Variants in GULP1 observed in about 807,000 individuals in gnomAD.
GULP1 encodes GULP PTB domain containing engulfment adaptor 1.
GULP1 carries 19 observed loss-of-function variants against 40.9 expected under a neutral mutation model. The ratio of observed to expected loss-of-function variants is 0.46; its 90% confidence interval spans 0.32 to 0.68. The LOEUF is 0.68. GULP1 is among the 30% of genes least tolerant of loss of function. GULP1 has a pLI of 0.03. For synonymous variants in GULP1, 119 were observed against 117.6 expected (o/e 1.01, Z -0.08); for missense variants, 312 against 362.2 (o/e 0.86, Z 1.12).
chr2:188,476,572 G>GA (rs964912194), intron 2 of GULP1, among the ~76,000 whole-genome samples: 54 of 152,022 alleles, frequency 3.6e-4, no homozygotes, highest in African/African-American at 1.2e-3. Context: ...TTCTAAAAAT[G>GA]AAAAAAATGC....
At chr2:188,364,124 ATAAT>A (rs1330547642) in intron 1 of GULP1, among the ~76,000 whole-genome samples, 1 of 152,166 alleles carries the variant, frequency 6.6e-6, no homozygotes, top group Non-Finnish European at 1.5e-5. Context: ...CTGTAGGTAA[ATAAT>A]TAAATAAATC....
intron 1 of GULP1, among the ~76,000 whole-genome samples, chr2:188,315,589 A>G (rs2038937870): frequency 6.6e-6 from 1 of 152,150 alleles, no homozygotes; most frequent in Non-Finnish European, 1.5e-5. Context: ...AGTACAAAAT[A>G]AAGGTTTCTT....
Position 188,523,775 on chromosome 2 carries a change from G to T in GULP1, c.162+948G>T, listed in dbSNP as rs182994345. ...GGAATCCACTCTGTGTTTAAATTGA[G>T]AAATAATTGAATTGGCATGACTTCT... On this transcript the variant is annotated intron_variant, in intron 5 of 11. Coordinates refer to ENST00000409830, the MANE Select transcript of GULP1 (RefSeq NM_016315.4). 1.3e-4 allele frequency among the ~76,000 whole-genome samples: 20 copies of T among 152,182 alleles called. No individual in the cohort carries two copies. In the East Asian group the frequency reaches 3.5e-3, roughly 26 times the overall value.
At chr2:188,461,995 T>G (rs2059744511) in intron 2 of GULP1, among the ~76,000 whole-genome samples, 1 of 152,092 alleles carries the variant, frequency 6.6e-6, no homozygotes, top group Admixed American at 6.6e-5. Context: ...CTTGTTTTTC[T>G]AGTTCTTTAA....
chr2:188,368,599 G>GTAAA (rs200624677), intron 1 of GULP1, among the ~76,000 whole-genome samples: 2,026 of 151,126 alleles, frequency 0.013, 25 homozygotes, highest in Non-Finnish European at 0.019. Context: ...AAATAAATAA[G>GTAAA]TAAATAGATA....
At chr2:188,359,252 T>G (rs1331345046) in intron 1 of GULP1, among the ~76,000 whole-genome samples, 1 of 151,340 alleles carries the variant, frequency 6.6e-6, no homozygotes, top group Non-Finnish European at 1.5e-5. Context: ...TGAGTTATAC[T>G]TATATGCCAT....
At chr2:188,389,411 TA>T (rs2050216209) in intron 2 of GULP1, among the ~76,000 whole-genome samples, 1 of 152,076 alleles carries the variant, frequency 6.6e-6, no homozygotes, top group South Asian at 2.1e-4. Context: ...AAAATATAAA[TA>T]AAAGACCTGA....
chr2:188,501,193 G>T (rs913590393), intron 4 of GULP1, among the ~76,000 whole-genome samples: 11 of 151,840 alleles, frequency 7.2e-5, no homozygotes, highest in African/African-American at 2.4e-4. Flanking sequence ...TCAAGGGAGG[G>T]ACCCGGTGGG....
intron 4 of GULP1, among the ~76,000 whole-genome samples, chr2:188,515,860 T>C (rs1365267456): frequency 6.6e-6 from 1 of 152,212 alleles, no homozygotes; most frequent in African/African-American, 2.4e-5. Flanking sequence ...TATGTTAAAT[T>C]AACAGGTTAT....
intron 2 of GULP1, among the ~76,000 whole-genome samples, chr2:188,433,288 A>T (rs781657802): frequency 1.3e-5 from 2 of 151,896 alleles, no homozygotes; most frequent in East Asian, 1.9e-4. Flanking sequence ...TTATATATAT[A>T]TTTTTCTTTA....
intron 11 of GULP1, chr2:188,590,044 C>T (rs1334537348): frequency 1.1e-5 from 2 of 185,622 alleles, no homozygotes; most frequent in South Asian, 1.8e-4. Context: ...ATGATCTTGG[C>T]TCACTGCAAC....
At chr2:188,585,041 C>G (rs115463449) in intron 10 of GULP1, among the ~76,000 whole-genome samples, 5,569 of 152,270 alleles carry the variant, frequency 0.037, 348 homozygotes, top group African/African-American at 0.13. Flanking sequence ...CGTTTCCATT[C>G]CAAATTGGAG....
At chr2:188,466,925 C>G (rs948056919) in intron 2 of GULP1, among the ~76,000 whole-genome samples, 2 of 151,996 alleles carry the variant, frequency 1.3e-5, no homozygotes, top group Non-Finnish European at 2.9e-5. Flanking sequence ...CTTTGCTTTC[C>G]CCAAGTGTCT....
chr2:188,558,951 G>A (rs1695545141), intron 7 of GULP1, among the ~76,000 whole-genome samples: 1 of 151,962 alleles, frequency 6.6e-6, no homozygotes, highest in African/African-American at 2.4e-5. Flanking sequence ...TTTTATAAGG[G>A]AAGCAGAGCA....
rs1282537101 is a variant in GULP1, at chr2:188,292,520, C to CG, written c.-172+360dup. ...TTTTGTGGTAACTTTGGTCCGGCGGCGGGGGGCCGGTGAGCAGGAACTGGA... is the reference window on the plus strand; with the variant it reads ...TTTTGTGGTAACTTTGGTCCGGCGGCGGGGGGGCCGGTGAGCAGGAACTGGA... On this transcript the variant is annotated intron_variant, in intron 1 of 11. Coordinates refer to ENST00000409830, the MANE Select transcript of GULP1 (RefSeq NM_016315.4). The surrounding 1 kb of genome is among the most constrained non-coding windows in gnomAD (Gnocchi z 4.0). Among the ~76,000 whole-genome samples, 1 of 152,178 alleles carries CG rather than the reference C, an allele frequency of 6.6e-6. No homozygotes were observed. The highest frequency in any genetic ancestry group is 2.4e-5 in the African/African-American group (1 of 41,534).
At chr2:188,346,743 C>T (rs938117415) in intron 1 of GULP1, among the ~76,000 whole-genome samples, 3 of 151,828 alleles carry the variant, frequency 2.0e-5, no homozygotes, top group African/African-American at 4.8e-5. Context: ...GAGGCTGAGG[C>T]GGGCGAATCA....
chr2:188,524,607 T>A (rs554545804), intron 5 of GULP1, among the ~76,000 whole-genome samples: 5,425 of 150,734 alleles, frequency 0.036, 126 homozygotes, highest in Non-Finnish European at 0.052. Context: ...TATATATATT[T>A]TTTTTTTGCT....
At chr2:188,514,040 A>T (rs868112052) in intron 4 of GULP1, among the ~76,000 whole-genome samples, 60 of 123,070 alleles carry the variant, frequency 4.9e-4, no homozygotes, top group East Asian at 5.7e-4. Flanking sequence ...TCCCCTTCTG[A>T]GTGTGTGTGT....
At chr2:188,468,983 G>A (rs2060359622) in intron 2 of GULP1, among the ~76,000 whole-genome samples, 1 of 152,118 alleles carries the variant, frequency 6.6e-6, no homozygotes, top group Non-Finnish European at 1.5e-5. Context: ...TGAGGGTGGT[G>A]CGATTAGGGA....
Sources: allele counts gnomAD v4.1 joint callset (sites outside exome capture counted in the v4.1 genomes callset), GRCh38; gene constraint gnomAD v4.1.1; non-coding constraint Gnocchi (gnomAD v3.1); transcripts MANE v1.5; gene names NCBI Gene and HGNC (gene_info 2026-07-23, HGNC 2026-07-21).